Variants in CNTN4 observed in about 807,000 individuals in gnomAD.
CNTN4 encodes contactin 4, also known as contactin-4.
CNTN4 carries 77 observed loss-of-function variants against 122.5 expected under a neutral mutation model. That is an observed-to-expected ratio of 0.63 (90% CI 0.52 to 0.76). The LOEUF (loss-of-function observed/expected upper bound fraction) is 0.76. Among genes scored for constraint, CNTN4 ranks in the 30% least tolerant of loss-of-function variants. The pLI is 0.00. For missense variants in CNTN4, 1,256 were observed against 1,259.1 expected (o/e 1.00, Z 0.04); for synonymous variants, 512 against 447.0 (o/e 1.15, Z -1.83).
In CNTN4 at chr3:2,763,187, C is replaced by T. The variant is rs575725378; in HGVS notation, c.358+17490C>T. Among the ~76,000 whole-genome samples, 23 of 152,200 alleles carry T rather than the reference C, an allele frequency of 1.5e-4. No individual in the cohort carries two copies. In the East Asian group the frequency reaches 1.5e-3, roughly 10 times the overall value. On this transcript the variant is annotated intron_variant, in intron 6 of 24. Coordinates refer to ENST00000418658, the MANE Select transcript of CNTN4 (RefSeq NM_175607.3). ...GTTTCGATCTCCTGACCTCGTGATCCGCCCACCTCGGCCTCCCAAAGTGCT... is the reference window on the plus strand; with the variant it reads ...GTTTCGATCTCCTGACCTCGTGATCTGCCCACCTCGGCCTCCCAAAGTGCT...
rs188249359 is a variant in CNTN4, at chr3:3,050,486, G to A, written c.2812-3321G>A. Among the ~76,000 whole-genome samples, 306 of 152,076 alleles carry A rather than the reference G, an allele frequency of 2.0e-3. 2 individuals are homozygous for A. Among genetic ancestry groups the A allele is most frequent in the African/African-American group, 7.1e-3 (295 of 41,476 alleles). On this transcript the variant is annotated intron_variant, in intron 23 of 24. Coordinates refer to ENST00000418658, the MANE Select transcript of CNTN4 (RefSeq NM_175607.3). The stretch of plus-strand genomic sequence containing the variant: ...CGTTAAAAATCCAGGTTCTGAGGCC[G>A]GGCACGGTGGCTCACACCTGTAATC...
chr3:2,555,257 T>C (rs1475061053), intron 3 of CNTN4, among the ~76,000 whole-genome samples: 1 of 152,234 alleles, frequency 6.6e-6, no homozygotes, highest in East Asian at 1.9e-4. Context: ...TTCTGGATAA[T>C]TTCCTGATTA....
At chr3:2,591,185 T>A (rs2080454128) in intron 4 of CNTN4, among the ~76,000 whole-genome samples, 1 of 152,082 alleles carries the variant, frequency 6.6e-6, no homozygotes, top group South Asian at 2.1e-4. Context: ...GTCTGTAGAG[T>A]TCATTGCTAC....
chr3:3,018,245 G>C (rs1027199145), intron 14 of CNTN4, among the ~76,000 whole-genome samples: 3 of 152,148 alleles, frequency 2.0e-5, no homozygotes, highest in African/African-American at 7.2e-5. Context: ...TCCCTGGTGT[G>C]AAATGCAGAA....
chr3:2,624,499 A>G (rs992035352), intron 4 of CNTN4, among the ~76,000 whole-genome samples: 4 of 152,112 alleles, frequency 2.6e-5, no homozygotes, highest in Non-Finnish European at 1.5e-5. Context: ...CTGCCTGTCA[A>G]CATGAGACCA....
At chr3:2,940,303 C>T (rs909367884) in intron 13 of CNTN4, among the ~76,000 whole-genome samples, 9 of 152,152 alleles carry the variant, frequency 5.9e-5, no homozygotes, top group Non-Finnish European at 8.8e-5. Context: ...GTCAACAATG[C>T]CAGGTGTGGC....
intron 3 of CNTN4, among the ~76,000 whole-genome samples, chr3:2,503,530 A>G (rs1007464784): frequency 5.3e-5 from 8 of 152,136 alleles, no homozygotes; most frequent in Non-Finnish European, 1.2e-4. Flanking sequence ...CAAGATAAGT[A>G]CTATCATTAT....
At chr3:2,483,649 TAGTG>T (rs2076067761) in intron 3 of CNTN4, among the ~76,000 whole-genome samples, 1 of 152,158 alleles carries the variant, frequency 6.6e-6, no homozygotes, top group African/African-American at 2.4e-5. Context: ...GTTCTCATGA[TAGTG>T]AGTGAGTTCT....
intron 2 of CNTN4, among the ~76,000 whole-genome samples, chr3:2,246,978 G>A (rs746150273): frequency 2.0e-5 from 3 of 152,044 alleles, no homozygotes; most frequent in African/African-American, 4.8e-5. Flanking sequence ...GTCTTAGGGC[G>A]TGGATGTGAA....
At position 2,191,709 on chromosome 3, in the gene CNTN4, T is replaced by TACAC. The variant is rs370552144; in HGVS notation, c.-145+91082_-145+91085dup. Among the ~76,000 whole-genome samples the TACAC allele has an allele frequency of 4.2e-3, 629 of 150,914 alleles. 13 individuals carry two copies. The highest frequency in any genetic ancestry group is 0.016 in the East Asian group (82 of 5,106). On this transcript the variant is annotated intron_variant, in intron 2 of 24. Coordinates refer to ENST00000418658, the MANE Select transcript of CNTN4 (RefSeq NM_175607.3). ...AAAATTCTATGTATATATATATATA[T>TACAC]ACACACACACACACATACACACACA...
chr3:2,903,017 T>C lies in CNTN4; in HGVS notation c.1207+12T>C, dbSNP rs2094191560. 2.5e-6 allele frequency: 4 copies of C among 1,612,928 alleles called. No homozygotes were observed. In the South Asian group the frequency reaches 4.4e-5, roughly 18 times the overall value. ...GCTTAGTGTTATAGGTGAGTCTTTA[T>C]ACTGGCAAGAAAAAAAAATTAAAAC... is the stretch of plus-strand genomic sequence containing the variant. On this transcript the variant is annotated intron_variant, in intron 12 of 24. Transcript: ENST00000418658.
chr3:2,660,439 C>T (rs1014500848), intron 4 of CNTN4, among the ~76,000 whole-genome samples: 6 of 152,134 alleles, frequency 3.9e-5, no homozygotes, highest in Non-Finnish European at 8.8e-5. Context: ...GGACGCTTCA[C>T]TTTGAATAAA....
chr3:2,436,317 G>C (rs1030727299), intron 3 of CNTN4, among the ~76,000 whole-genome samples: 1 of 152,064 alleles, frequency 6.6e-6, no homozygotes, highest in South Asian at 2.1e-4. Context: ...TAAAAGTAAA[G>C]AGTTGTAGGC....
intron 14 of CNTN4, among the ~76,000 whole-genome samples, chr3:3,012,758 C>A (rs1439587240): frequency 6.6e-6 from 1 of 152,098 alleles, no homozygotes; most frequent in Admixed American, 6.5e-5. Context: ...CACCTGAGGT[C>A]AGGAGTTTGA....
intron 3 of CNTN4, among the ~76,000 whole-genome samples, chr3:2,352,355 G>A (rs1030794030): frequency 6.6e-6 from 1 of 152,198 alleles, no homozygotes; most frequent in African/African-American, 2.4e-5. Flanking sequence ...GCTGGCCGAG[G>A]CCGGAACCGG....
intron 2 of CNTN4, among the ~76,000 whole-genome samples, chr3:2,123,508 C>G (rs2033927436): frequency 6.6e-6 from 1 of 152,108 alleles, no homozygotes; most frequent in South Asian, 2.1e-4. Context: ...CTTTTGCACC[C>G]CTGTACTTAG....
At position 2,322,336 on chromosome 3, in the gene CNTN4, A is replaced by C. The variant is rs1051232358; in HGVS notation, c.-144-16842A>C. Among the ~76,000 whole-genome samples, 5 of 152,194 alleles carry C rather than the reference A, an allele frequency of 3.3e-5. 1 individual carries two copies. The highest frequency in any genetic ancestry group is 3.3e-4 in the Admixed American group (5 of 15,274). On this transcript the variant is annotated intron_variant, in intron 2 of 24. Coordinates refer to ENST00000418658, the MANE Select transcript of CNTN4 (RefSeq NM_175607.3). The stretch of plus-strand genomic sequence containing the variant: ...TGGATAAACAAAACATGGTGTAAAC[A>C]TAGGACGGAATTTTATTCAGCCTTA...
At chr3:2,502,564 G>C (rs1032723268) in intron 3 of CNTN4, among the ~76,000 whole-genome samples, 1 of 152,054 alleles carries the variant, frequency 6.6e-6, no homozygotes, top group Non-Finnish European at 1.5e-5. Flanking sequence ...TACTACTCTG[G>C]CTTAGCACTT....
At position 2,413,836 on chromosome 3, in the gene CNTN4, C is replaced by T. The variant is rs145219028; in HGVS notation, c.-89+74603C>T. On this transcript the variant is annotated intron_variant, in intron 3 of 24. Coordinates refer to ENST00000418658, the MANE Select transcript of CNTN4 (RefSeq NM_175607.3). ...GATTACAGGCATGAGCCACTGCGCC[C>T]GGCCCATGATTTTTAAAATAACAAA... 3.9e-3 allele frequency among the ~76,000 whole-genome samples: 592 copies of T among 152,254 alleles called. 5 individuals are homozygous for T. The highest frequency in any genetic ancestry group is 0.014 in the African/African-American group (578 of 41,560).
Sources: allele counts gnomAD v4.1 joint callset (sites outside exome capture counted in the v4.1 genomes callset), GRCh38; gene constraint gnomAD v4.1.1; transcripts MANE v1.5; gene names NCBI Gene and HGNC (gene_info 2026-07-23, HGNC 2026-07-21).